NAA11: variants seen among roughly 807,000 people sequenced by gnomAD.
NAA11 encodes N-alpha-acetyltransferase 11, NatA catalytic subunit.
Under a neutral mutation model 16.1 loss-of-function variants are expected in NAA11, and 15 were observed. The ratio of observed to expected loss-of-function variants is 0.93; its 90% CI spans 0.62 to 1.44. NAA11 has a LOEUF of 1.44. Ranked by LOEUF, NAA11 falls within the 40% of genes most tolerant of loss-of-function variation. NAA11 has a pLI of 0.00. For missense variants in NAA11, 298 were observed against 291.3 expected (o/e 1.02, Z -0.17); for synonymous variants, 122 against 112.4 (o/e 1.09, Z -0.54).
At chr4:79,324,668 A>G (rs535853343) in intron 1 of NAA11, among the ~76,000 whole-genome samples, 3 of 152,302 alleles carry the variant, frequency 2.0e-5, no homozygotes, top group South Asian at 4.1e-4. Flanking sequence ...AAGGAGACAC[A>G]TATTTGTCTC....
rs1196373004 is a variant in NAA11 at position 79,305,904 on chromosome 4, T to C, written c.*13-11790A>G. Reference sequence around the variant, plus strand: ...ACATCCCCTTTGAAATTAATTAGCCTATCCTACTTACATGTCTACTTCTTC... The same window carrying C: ...ACATCCCCTTTGAAATTAATTAGCCCATCCTACTTACATGTCTACTTCTTC... On this transcript the variant is annotated intron_variant and NMD_transcript_variant, in intron 1 of 2. Coordinates refer to the NAA11 transcript ENST00000511542. Among the ~76,000 whole-genome samples, 24 of 152,206 alleles carry C rather than the reference T, an allele frequency of 1.6e-4. 1 individual carries two copies. Among genetic ancestry groups the C allele is most frequent in the Admixed American group, 1.4e-3 (21 of 15,284 alleles).
the NAA11 span, among the ~76,000 whole-genome samples, chr4:79,194,615 T>C: frequency 2.6e-5 from 4 of 152,096 alleles, no homozygotes; most frequent in Admixed American, 6.6e-5. Context: ...AAGCCTTATC[T>C]GGCACATGTA....
chr4:79,277,043 C>G (rs1416725649), intron 2 of NAA11, among the ~76,000 whole-genome samples: 1 of 152,086 alleles, frequency 6.6e-6, no homozygotes, highest in African/African-American at 2.4e-5. Context: ...ATGATATTAG[C>G]AGAAAGAGGA....
chr4:79,193,610 G>A, the NAA11 span, among the ~76,000 whole-genome samples: 1 of 152,140 alleles, frequency 6.6e-6, no homozygotes, highest in Admixed American at 6.5e-5. Context: ...CCAGTACCAT[G>A]CTGTTTTGGT....
chr4:79,194,816 G>A, the NAA11 span, among the ~76,000 whole-genome samples: 1 of 152,006 alleles, frequency 6.6e-6, no homozygotes. Context: ...ACAACCCTTT[G>A]AAGTGTGTAT....
the NAA11 span, among the ~76,000 whole-genome samples, chr4:79,184,600 C>G: frequency 6.6e-6 from 1 of 152,116 alleles, no homozygotes; most frequent in Non-Finnish European, 1.5e-5. Context: ...TCTTTGAGGT[C>G]CTAATTTATA....
chr4:79,181,630 G>T, the NAA11 span, among the ~76,000 whole-genome samples: 1 of 152,232 alleles, frequency 6.6e-6, no homozygotes, highest in Non-Finnish European at 1.5e-5. Flanking sequence ...TTGGTTAACA[G>T]TCTCGTAGTT....
the NAA11 span, among the ~76,000 whole-genome samples, chr4:79,176,924 C>A: frequency 6.6e-6 from 1 of 152,062 alleles, no homozygotes; most frequent in Non-Finnish European, 1.5e-5. Flanking sequence ...ACTGTCCACC[C>A]TCAGGTGTCA....
At chr4:79,220,775 A>G (rs1303792516), downstream of NAA11, among the ~76,000 whole-genome samples, 1 of 152,150 alleles carries the variant, frequency 6.6e-6, no homozygotes, top group Admixed American at 6.5e-5. Flanking sequence ...TGGTTACTGT[A>G]GCCTTGCAGT....
chr4:79,265,697 T>C (rs912551145), intron 2 of NAA11, among the ~76,000 whole-genome samples: 11 of 152,172 alleles, frequency 7.2e-5, no homozygotes, highest in Non-Finnish European at 1.6e-4. Context: ...AAAGAGGTTT[T>C]ATGACCAAGT....
At chr4:79,318,925 G>A (rs1724009848) in intron 1 of NAA11, among the ~76,000 whole-genome samples, 1 of 152,042 alleles carries the variant, frequency 6.6e-6, no homozygotes, top group African/African-American at 2.4e-5. Flanking sequence ...TAGTATTATA[G>A]TCCTTTTTTT....
the NAA11 span, among the ~76,000 whole-genome samples, chr4:79,156,194 C>T: frequency 0.086 from 13,010 of 151,996 alleles, 1,875 homozygotes; most frequent in African/African-American, 0.3. Flanking sequence ...TGTAGTAAAA[C>T]CCACATATGT....
chr4:79,188,603 A>AT, the NAA11 span, among the ~76,000 whole-genome samples: 1 of 151,622 alleles, frequency 6.6e-6, no homozygotes, highest in Non-Finnish European at 1.5e-5. Context: ...AGAAAAAAAA[A>AT]AAGACAAACT....
the NAA11 span, among the ~76,000 whole-genome samples, chr4:79,196,952 A>C: frequency 9.2e-6 from 1 of 108,306 alleles, no homozygotes; most frequent in South Asian, 3.5e-4. Flanking sequence ...AAGATGAAAA[A>C]GACAAAAAAA....
the NAA11 span, among the ~76,000 whole-genome samples, chr4:79,185,341 T>G: frequency 5.3e-5 from 8 of 152,162 alleles, no homozygotes. Flanking sequence ...AGACAGCACC[T>G]TTTTCCCCCA....
At chr4:79,214,528 C>A in the NAA11 span, among the ~76,000 whole-genome samples, 1 of 152,012 alleles carries the variant, frequency 6.6e-6, no homozygotes, top group Non-Finnish European at 1.5e-5. Flanking sequence ...GATCGGGCTC[C>A]GTGGCTCACG....
At chr4:79,181,104 AC>A in the NAA11 span, among the ~76,000 whole-genome samples, 1 of 152,062 alleles carries the variant, frequency 6.6e-6, no homozygotes, top group Non-Finnish European at 1.5e-5. Flanking sequence ...GGGGAGGGAT[AC>A]CATTAGGAGG....
At chr4:79,310,994 C>G (rs1723753433) in intron 1 of NAA11, among the ~76,000 whole-genome samples, 1 of 152,138 alleles carries the variant, frequency 6.6e-6, no homozygotes, top group South Asian at 2.1e-4. Flanking sequence ...ATGTCTTTGG[C>G]TTAGTCCAGC....
intron 1 of NAA11, among the ~76,000 whole-genome samples, chr4:79,304,141 GA>G (rs2110005112): frequency 6.6e-6 from 1 of 152,148 alleles, no homozygotes; most frequent in Non-Finnish European, 1.5e-5. Flanking sequence ...AATTAGAATT[GA>G]GAAGATCCTT....
Sources: allele counts gnomAD v4.1 joint callset (sites outside exome capture counted in the v4.1 genomes callset), GRCh38; gene constraint gnomAD v4.1.1; transcripts MANE v1.5; gene names NCBI Gene and HGNC (gene_info 2026-07-23, HGNC 2026-07-21).